The following RASD2 variants were observed in gnomAD, a reference collection of about 807,000 sequenced individuals.
RASD2 encodes GTP-binding protein Rhes.
In RASD2, 7 loss-of-function variants were observed where a neutral mutation model predicts 15.8. That is an observed-to-expected ratio of 0.44 (90% CI 0.25 to 0.83). The LOEUF (loss-of-function observed/expected upper bound fraction) is 0.83. Ranked by LOEUF, RASD2 falls within the 40% of genes least tolerant of loss-of-function variation. RASD2 has a pLI of 0.20. For synonymous variants in RASD2, 155 were observed against 153.6 expected (o/e 1.01, Z -0.07); for missense variants, 274 against 382.8 (o/e 0.72, Z 2.37).
At chr22:35,534,491 C>T in the RASD2 span, among the ~76,000 whole-genome samples, 1 of 152,174 alleles carries the variant, frequency 6.6e-6, no homozygotes, top group African/African-American at 2.4e-5. Flanking sequence ...AGGGATCCAC[C>T]CAGTGCCTGC....
At chr22:35,545,815 G>A (rs771559067) in intron 1 of RASD2, among the ~76,000 whole-genome samples, 15 of 152,138 alleles carry the variant, frequency 9.9e-5, no homozygotes, top group South Asian at 2.1e-4. Flanking sequence ...GTTCTGGGGC[G>A]GGGATTCTGG....
intron 1 of RASD2, among the ~76,000 whole-genome samples, chr22:35,543,911 CCT>C (rs1224429327): frequency 6.6e-6 from 1 of 151,156 alleles, no homozygotes; most frequent in African/African-American, 2.4e-5. Flanking sequence ...CTCACTGCCT[CCT>C]CTCTCTGACT....
chr22:35,540,349 G>A (rs1257194192), upstream of RASD2, among the ~76,000 whole-genome samples: 1 of 150,466 alleles, frequency 6.6e-6, no homozygotes, highest in Non-Finnish European at 1.5e-5. Context: ...CCACGCGCCC[G>A]GACACGCGGA....
At chr22:35,539,360 GTCCTC>G (rs1934291056), upstream of RASD2, among the ~76,000 whole-genome samples, 1 of 152,172 alleles carries the variant, frequency 6.6e-6, no homozygotes, top group African/African-American at 2.4e-5. Flanking sequence ...AGACCCCTGC[GTCCTC>G]TCATGAGGTA....
intron 2 of RASD2, 22 bp downstream of exon 2, chr22:35,547,102 G>A: frequency 6.2e-7 from 1 of 1,603,044 alleles, no homozygotes; most frequent in South Asian, 1.1e-5. Flanking sequence ...TGGTGCCTGG[G>A]CTGGGGCGGC....
upstream of RASD2, among the ~76,000 whole-genome samples, chr22:35,536,264 C>T (rs556878457): frequency 1.8e-4 from 27 of 151,652 alleles, no homozygotes; most frequent in Middle Eastern, 3.5e-3. Flanking sequence ...ATGGTGCATT[C>T]AGCAGGAAAG....
intron 2 of RASD2, among the ~76,000 whole-genome samples, chr22:35,547,348 G>C (rs910576198): frequency 6.6e-6 from 1 of 152,238 alleles, no homozygotes; most frequent in African/African-American, 2.4e-5. Flanking sequence ...GCATGCCCCA[G>C]GGATATTCCT....
the RASD2 span, among the ~76,000 whole-genome samples, chr22:35,532,892 C>A: frequency 6.6e-6 from 1 of 152,154 alleles, no homozygotes; most frequent in African/African-American, 2.4e-5. Flanking sequence ...GGTGTTAGCA[C>A]CAGGGAGCTG....
Position 35,546,997 on chromosome 22 carries a change from G to A in RASD2, c.188G>A (p.Arg63His), listed in dbSNP as rs1418107504. ...EDFHRKVYNI[R>H]GDMYQLDILD... ...TTCCACCGTAAGGTATACAACATCC[G>A]CGGCGACATGTACCAGCTCGACATC... Residue 63 changes from arginine (R) to histidine (H), a missense_variant, in exon 2 of 3, where the codon CGC (arginine) becomes CAC (histidine). Coordinates refer to ENST00000216127, the MANE Select transcript of RASD2 (RefSeq NM_014310.4). The A allele has an allele frequency of 5.6e-6, 9 of 1,614,096 alleles. No homozygotes were observed. The highest frequency in any genetic ancestry group is 1.6e-4 in the Middle Eastern group (1 of 6,062).
At chr22:35,546,361 A>G (rs1032592293) in intron 1 of RASD2, among the ~76,000 whole-genome samples, 4 of 152,234 alleles carry the variant, frequency 2.6e-5, no homozygotes, top group Non-Finnish European at 5.9e-5. Context: ...CGGGAAAGCC[A>G]GATGGATGAA....
intron 1 of RASD2, among the ~76,000 whole-genome samples, chr22:35,543,138 T>C (rs1412287995): frequency 2.0e-5 from 3 of 152,188 alleles, no homozygotes; most frequent in African/African-American, 7.2e-5. Flanking sequence ...TGAGCATCAG[T>C]GTCCCCATCA....
rs771572522 is a variant in RASD2, at chr22:35,546,789, G to A, written c.-9-12G>A. 6.8e-6 allele frequency: 11 copies of A among 1,609,606 alleles called. No individual in the cohort carries two copies. Among genetic ancestry groups the A allele is most frequent in the East Asian group, 2.2e-5 (1 of 44,776 alleles). ...GGGGGCCCTGATGCCTGCTTCTCTC[G>A]CTTTGTTGCAGCCCCGAGCCATGAT... On this transcript the variant is annotated splice_polypyrimidine_tract_variant and intron_variant, in intron 1 of 2. Transcript: ENST00000216127.
upstream of RASD2, among the ~76,000 whole-genome samples, chr22:35,536,450 C>A (rs1011864946): frequency 6.6e-6 from 1 of 152,040 alleles, no homozygotes; most frequent in African/African-American, 2.4e-5. Flanking sequence ...CTCAGCCTCC[C>A]GAGTAGCTGG....
At chr22:35,545,332 C>T (rs917341696) in intron 1 of RASD2, among the ~76,000 whole-genome samples, 1 of 152,078 alleles carries the variant, frequency 6.6e-6, no homozygotes, top group Non-Finnish European at 1.5e-5. Context: ...GGTCAATGGG[C>T]GAGGCACTCA....
At chr22:35,548,688 G>A (rs572479121) in intron 2 of RASD2, among the ~76,000 whole-genome samples, 13 of 152,230 alleles carry the variant, frequency 8.5e-5, no homozygotes, top group Non-Finnish European at 1.9e-4. Flanking sequence ...GACCCAGACA[G>A]CAGTCAAGTT....
upstream of RASD2, among the ~76,000 whole-genome samples, chr22:35,540,543 A>C (rs1470481430): frequency 6.6e-6 from 1 of 151,220 alleles, no homozygotes; most frequent in Non-Finnish European, 1.5e-5. Flanking sequence ...GGGCCGAAGG[A>C]GCAGGTGGGC....
At chr22:35,540,363 G>T (rs187433814), upstream of RASD2, among the ~76,000 whole-genome samples, 3,810 of 150,096 alleles carry the variant, frequency 0.025, 158 homozygotes, top group African/African-American at 0.087. Context: ...ACGCGGAACC[G>T]CAGACCGCGG....
At chr22:35,547,622 T>C (rs1934541798) in intron 2 of RASD2, among the ~76,000 whole-genome samples, 1 of 152,172 alleles carries the variant, frequency 6.6e-6, no homozygotes, top group Non-Finnish European at 1.5e-5. Context: ...GCTTGGCATG[T>C]AGTTTTTTTT....
chr22:35,535,664 A>C, the RASD2 span, among the ~76,000 whole-genome samples: 2 of 152,198 alleles, frequency 1.3e-5, no homozygotes. Context: ...AGAGATGAGC[A>C]GCCCCTCAGG....
Sources: allele counts gnomAD v4.1 joint callset (sites outside exome capture counted in the v4.1 genomes callset), GRCh38; gene constraint gnomAD v4.1.1; transcripts MANE v1.5; gene names NCBI Gene and HGNC (gene_info 2026-07-23, HGNC 2026-07-21).